The following AFAP1L2 variants were observed in gnomAD, a reference collection of about 807,000 sequenced individuals.
AFAP1L2 encodes actin filament associated protein 1 like 2.
In AFAP1L2, 46 loss-of-function variants were observed where a neutral mutation model predicts 99.3. The ratio of observed to expected loss-of-function variants is 0.46; its 90% CI spans 0.37 to 0.59. The LOEUF (loss-of-function observed/expected upper bound fraction) is 0.59, where lower values mean the gene tolerates loss of function less well. Ranked by LOEUF, AFAP1L2 falls within the 20% of genes least tolerant of loss-of-function variation. The pLI, the probability that AFAP1L2 is intolerant of heterozygous loss-of-function variation, is 0.00. For synonymous variants in AFAP1L2, 397 were observed against 419.1 expected, an observed-to-expected ratio of 0.95 and a Z score of 0.64; for missense variants, 959 against 1,034.9, an observed-to-expected ratio of 0.93 and a Z score of 1.01.
intron 1 of AFAP1L2, among the ~76,000 whole-genome samples, chr10:114,342,090 G>A (rs1055666257): frequency 6.6e-6 from 1 of 152,310 alleles, no homozygotes; most frequent in Admixed American, 6.5e-5. Context: ...TCTGAGATTT[G>A]CCTTACTTCT....
intron 16 of AFAP1L2, among the ~76,000 whole-genome samples, chr10:114,298,193 C>T (rs1368207192): frequency 6.6e-6 from 1 of 152,102 alleles, no homozygotes; most frequent in African/African-American, 2.4e-5. Flanking sequence ...TCCTGGCCAA[C>T]ATGGTGAAAT....
intron 1 of AFAP1L2, among the ~76,000 whole-genome samples, chr10:114,390,417 T>C (rs1309874014): frequency 2.6e-5 from 4 of 152,116 alleles, no homozygotes; most frequent in Non-Finnish European, 5.9e-5. Flanking sequence ...GGTAAGTGCA[T>C]CTTCAATGCA....
intron 1 of AFAP1L2, chr10:114,398,981 A>G (rs2057996813): frequency 2.5e-6 from 3 of 1,210,968 alleles, no homozygotes; most frequent in Middle Eastern, 2.2e-4. Flanking sequence ...CATTTCTGGA[A>G]TCTGCCTTTG....
intron 16 of AFAP1L2, 127 bp downstream of exon 16, chr10:114,299,133 G>A (rs1435700505): frequency 8.8e-7 from 1 of 1,140,602 alleles, no homozygotes; most frequent in Admixed American, 2.2e-5. Context: ...ACCCACCCAG[G>A]CCAAGGGTTG....
intron 1 of AFAP1L2, among the ~76,000 whole-genome samples, chr10:114,399,762 TG>T (rs2058068295): frequency 6.6e-6 from 1 of 152,184 alleles, no homozygotes; most frequent in Non-Finnish European, 1.5e-5. Flanking sequence ...AACAGGAAAT[TG>T]GTTTTATTTA....
chr10:114,368,670 C>T (rs2053628586), intron 1 of AFAP1L2, among the ~76,000 whole-genome samples: 2 of 152,076 alleles, frequency 1.3e-5, no homozygotes, highest in African/African-American at 4.8e-5. Flanking sequence ...CCTCCTCCGC[C>T]TCCCAAAGTG....
chr10:114,286,099 A>C, the AFAP1L2 span: 14 of 1,614,168 alleles, frequency 8.7e-6, no homozygotes, highest in Non-Finnish European at 1.2e-5. Context: ...GTGTGGCCAC[A>C]TACAGCAGGG....
At chr10:114,317,050 C>T (rs2134853936) in intron 5 of AFAP1L2, among the ~76,000 whole-genome samples, 1 of 152,290 alleles carries the variant, frequency 6.6e-6, no homozygotes, top group South Asian at 2.1e-4. Flanking sequence ...CCATGACACC[C>T]TTCAGAAGAG....
At chr10:114,328,581 G>T (rs1184978201) in intron 4 of AFAP1L2, among the ~76,000 whole-genome samples, 2 of 152,218 alleles carry the variant, frequency 1.3e-5, no homozygotes, top group Admixed American at 1.3e-4. Flanking sequence ...ACACAGCCAG[G>T]TGCTGTGGTC....
Position 114,300,430 on chromosome 10 carries a change from A to G in AFAP1L2, c.1788+15T>C. 1.4e-6 allele frequency: 2 copies of G among 1,479,642 alleles called. No homozygotes were observed. Among genetic ancestry groups the G allele is most frequent in the South Asian group, 1.1e-5 (1 of 87,042 alleles). The allele number at this position is 1,479,642 out of a possible 1,614,324, so 91.7% of individuals were successfully genotyped here. A position where few individuals can be genotyped will look rare whatever the true frequency, so the allele number is the denominator to read the frequency against. ...CAGGAAGGTGGTCTTGCTGTCCTGC[A>G]GGGGAGGCCTGTACCTGTTCTCCCA... On this transcript the variant is annotated intron_variant, in intron 14 of 18. Coordinates refer to ENST00000304129, the MANE Select transcript of AFAP1L2 (RefSeq NM_001001936.3).
At chr10:114,298,901 A>C (rs1205984856) in intron 16 of AFAP1L2, among the ~76,000 whole-genome samples, 2 of 152,230 alleles carry the variant, frequency 1.3e-5, no homozygotes, top group African/African-American at 4.8e-5. Flanking sequence ...TCAGCCAACC[A>C]GAGCTCAAAA....
At chr10:114,395,531 C>T (rs1200146980) in intron 1 of AFAP1L2, among the ~76,000 whole-genome samples, 3 of 152,158 alleles carry the variant, frequency 2.0e-5, no homozygotes, top group Non-Finnish European at 2.9e-5. Context: ...ACAATAAGCT[C>T]ATTCAACAAT....
the AFAP1L2 span, chr10:114,286,175 G>T: frequency 4.3e-6 from 7 of 1,613,962 alleles, no homozygotes; most frequent in Non-Finnish European, 5.9e-6. Flanking sequence ...GAGCCTCGAT[G>T]GCATTCCCTT....
At chr10:114,354,714 T>C (rs1260426502) in intron 1 of AFAP1L2, among the ~76,000 whole-genome samples, 1 of 152,170 alleles carries the variant, frequency 6.6e-6, no homozygotes, top group Non-Finnish European at 1.5e-5. Context: ...AGGAGACCCC[T>C]CTTTTTCCAG....
At chr10:114,389,145 G>A (rs970740842) in intron 1 of AFAP1L2, among the ~76,000 whole-genome samples, 15 of 152,172 alleles carry the variant, frequency 9.9e-5, no homozygotes, top group African/African-American at 1.4e-4. Flanking sequence ...CCACACTTGC[G>A]AGACCCCAGG....
intron 1 of AFAP1L2, among the ~76,000 whole-genome samples, chr10:114,370,651 A>T (rs1038338527): frequency 1.3e-5 from 2 of 152,216 alleles, no homozygotes; most frequent in Admixed American, 6.5e-5. Flanking sequence ...GGCCCAGAGG[A>T]TAAACTGTAA....
chr10:114,392,463 T>C (rs1441122630), intron 1 of AFAP1L2, among the ~76,000 whole-genome samples: 2 of 152,212 alleles, frequency 1.3e-5, no homozygotes, highest in African/African-American at 4.8e-5. Flanking sequence ...GAGATATCCA[T>C]TGGACAGGTC....
chr10:114,286,125 T>C, the AFAP1L2 span: 1 of 1,614,042 alleles, frequency 6.2e-7, no homozygotes, highest in Non-Finnish European at 8.5e-7. Context: ...CTGGTGGCGG[T>C]GCCTGTGGGG....
At chr10:114,304,322 T>C (rs1045170166) in intron 11 of AFAP1L2, among the ~76,000 whole-genome samples, 1 of 152,190 alleles carries the variant, frequency 6.6e-6, no homozygotes, top group Non-Finnish European at 1.5e-5. Context: ...AGGAATGTAA[T>C]TGTATCACAA....
Sources: allele counts gnomAD v4.1 joint callset (sites outside exome capture counted in the v4.1 genomes callset), GRCh38; gene constraint gnomAD v4.1.1; transcripts MANE v1.5; gene names NCBI Gene and HGNC (gene_info 2026-07-23, HGNC 2026-07-21).